SYNGR3: variants seen among roughly 807,000 people sequenced by gnomAD.
SYNGR3 encodes synaptogyrin-3.
Under a neutral mutation model 18.5 loss-of-function variants are expected in SYNGR3, and 10 were observed. That is an observed-to-expected ratio of 0.54 (90% CI 0.33 to 0.92). The LOEUF is 0.92. Among genes scored for constraint, SYNGR3 ranks in the 40% least tolerant of loss-of-function variants. SYNGR3 has a pLI of 0.02. For missense variants in SYNGR3, 335 were observed against 332.8 expected (o/e 1.01, Z -0.05); for synonymous variants, 188 against 157.2 (o/e 1.20, Z -1.47).
At chr16:1,992,808 A>G in intron 3 of SYNGR3, 30 bp downstream of exon 3, 1 of 1,508,462 alleles carries the variant, frequency 6.6e-7, no homozygotes, top group South Asian at 1.3e-5. Context: ...GGGCGGGGCG[A>G]AGGGGCGGGC....
Position 1,993,734 on chromosome 16 carries a change from T to C in SYNGR3, c.*662T>C, listed in dbSNP as rs2083617302. On this transcript the variant is annotated 3_prime_UTR_variant, in exon 4 of 4. Transcript: ENST00000248121. ...TGGTTCTGGCCAGGAAGGCACAAGG[T>C]AGCTGTGGGCCAAGACACCAGCCCT... is the stretch of plus-strand genomic sequence containing the variant. 2.5e-6 allele frequency: 1 copy of C among 394,694 alleles called. No homozygotes were observed. The highest frequency in any genetic ancestry group is 5.1e-6 in the Non-Finnish European group (1 of 194,282). The allele number at this position is 394,694 out of a possible 1,614,324, so 24.4% of individuals were successfully genotyped here.
Position 1,992,141 on chromosome 16 carries a change from T to TGTGC in SYNGR3, c.269_272dup (p.Phe92AlafsTer217). Reference sequence around the variant, plus strand: ...CCTGCGCCGCCTTCCTGCTGCTCGATGTGCGCTTCCAGCAAATCAGCAGCG... The same window carrying TGTGC: ...CCTGCGCCGCCTTCCTGCTGCTCGATGTGCGTGCGCTTCCAGCAAATCAGCAGCG... On this transcript the variant is annotated frameshift_variant, in exon 2 of 4. Coordinates refer to ENST00000248121, the MANE Select transcript of SYNGR3 (RefSeq NM_004209.6). LOFTEE classifies it high-confidence loss of function. 1 of 1,532,240 alleles carries TGTGC rather than the reference T, an allele frequency of 6.5e-7. No homozygotes were observed. The allele number at this position is 1,532,240 out of a possible 1,614,324, so 94.9% of individuals were successfully genotyped here.
rs1391180922 is a variant in SYNGR3, at chr16:1,992,172, G to A, written c.298G>A (p.Asp100Asn). 2.8e-6 allele frequency: 4 copies of A among 1,450,600 alleles called. No homozygotes were observed. Among genetic ancestry groups the A allele is most frequent in the African/African-American group, 3.0e-5 (2 of 67,128 alleles). The allele number at this position is 1,450,600 out of a possible 1,614,324, so 89.9% of individuals were successfully genotyped here. Reference protein sequence around the residue: ...VRFQQISSVRDRRRAVLLDLG... With the variant: ...VRFQQISSVRNRRRAVLLDLG... ...CTTCCAGCAAATCAGCAGCGTCCGCGACCGCCGGCGCGCGGTGTTGCTGGA... is the reference window on the plus strand; with the variant it reads ...CTTCCAGCAAATCAGCAGCGTCCGCAACCGCCGGCGCGCGGTGTTGCTGGA... The change falls in exon 2 of 4, where the codon GAC becomes AAC. Residue 100 changes from aspartate to asparagine, a missense_variant. Asp to Asn is a conservative substitution (Grantham distance 23, BLOSUM62 1). Coordinates refer to ENST00000248121, the MANE Select transcript of SYNGR3 (RefSeq NM_004209.6).
At position 1,992,972 on chromosome 16, in the gene SYNGR3, C is replaced by T. The variant is rs1211102637; in HGVS notation, c.590C>T (p.Pro197Leu). 6.2e-7 allele frequency: 1 copy of T among 1,611,908 alleles called. No homozygotes were observed. ...TGASQAYPGY[P>L]VGSGVEGTET... Reference sequence around the variant, plus strand: ...GCGAGCCAGGCCTACCCCGGCTATCCGGTGGGCAGCGGCGTGGAGGGCACC... The same window carrying T: ...GCGAGCCAGGCCTACCCCGGCTATCTGGTGGGCAGCGGCGTGGAGGGCACC... Residue 197 changes from proline to leucine, a missense_variant, in exon 4 of 4, where the codon CCG (proline) becomes CTG (leucine). By Grantham distance (98) the Pro-to-Leu change is moderately conservative (BLOSUM62 -3). Coordinates refer to ENST00000248121, the MANE Select transcript of SYNGR3 (RefSeq NM_004209.6).
intron 2 of SYNGR3, 49 bp from the exon 3 acceptor site, chr16:1,992,587 C>T (rs1439541336): frequency 1.3e-6 from 2 of 1,567,964 alleles, no homozygotes; most frequent in Non-Finnish European, 1.7e-6. Context: ...GCGAGGCCGC[C>T]GTGGGCCACC....
chr16:1,990,190 G>C lies in SYNGR3; in HGVS notation c.88G>C (p.Val30Leu). 1.6e-6 allele frequency: 2 copies of C among 1,279,518 alleles called. No homozygotes were observed. Among genetic ancestry groups the C allele is most frequent in the Non-Finnish European group, 2.0e-6 (2 of 1,011,850 alleles). The allele number at this position is 1,279,518 out of a possible 1,614,324, so 79.3% of individuals were successfully genotyped here. Reference sequence around the variant, plus strand: ...GCGGCGGCCCCAGACCCTGCTCCGGGTCGCGTCCTGGGTGAGTGGTCCCTG... The same window carrying C: ...GCGGCGGCCCCAGACCCTGCTCCGGCTCGCGTCCTGGGTGAGTGGTCCCTG... ...FARRPQTLLRVASWVFSIAVF... is the reference protein window; with the variant it reads ...FARRPQTLLRLASWVFSIAVF... Residue 30 changes from valine to leucine, a missense_variant, in exon 1 of 4, where the codon GTC becomes CTC. Physicochemically the swap from Val to Leu is conservative, Grantham distance 32. Coordinates refer to ENST00000248121, the MANE Select transcript of SYNGR3 (RefSeq NM_004209.6).
In SYNGR3 at chr16:1,992,649, C is replaced by A. The variant is rs140958780; in HGVS notation, c.351C>A (p.Phe117Leu). 4.1e-3 allele frequency: 6,518 copies of A among 1,606,296 alleles called. 23 individuals carry two copies. The highest frequency in any genetic ancestry group is 4.9e-3 in the Non-Finnish European group (5,786 of 1,177,734). Reference sequence around the variant, plus strand: ...CACTGTTCGCAGGACTCTGGTCCTTCCTGTGGTTCGTGGGCTTCTGCTTCC... The same window carrying A: ...CACTGTTCGCAGGACTCTGGTCCTTACTGTGGTTCGTGGGCTTCTGCTTCC... ...LDLGFSGLWS[F>L]LWFVGFCFLT... The change falls in exon 3 of 4, where the codon TTC becomes TTA. Residue 117 changes from phenylalanine to leucine, a missense_variant. Phe to Leu is a conservative substitution (Grantham distance 22). Transcript: ENST00000248121.
intron 1 of SYNGR3, 116 bp from the exon 2 acceptor site, chr16:1,991,858 C>T (rs2083605566): frequency 5.9e-6 from 5 of 849,296 alleles, no homozygotes; most frequent in Non-Finnish European, 6.9e-6. Context: ...GGTGACACCG[C>T]CCCCCACCCA....
In SYNGR3 at chr16:1,992,989, G is replaced by A. The variant is rs1157949946; in HGVS notation, c.607G>A (p.Glu203Lys). ...YPGYPVGSGV[E>K]GTETYQSPPF... is the part of the protein sequence containing the mutation. The stretch of plus-strand genomic sequence containing the variant: ...CGGCTATCCGGTGGGCAGCGGCGTG[G>A]AGGGCACCGAGACCTACCAGAGCCC... The change falls in exon 4 of 4, where the codon GAG becomes AAG. Residue 203 changes from glutamate (E) to lysine (K), a missense_variant. Glu to Lys is a moderately conservative substitution (Grantham distance 56). Transcript: ENST00000248121. The A allele has an allele frequency of 3.7e-5, 59 of 1,611,970 alleles. No homozygotes were observed. The highest frequency in any genetic ancestry group is 4.6e-5 in the Non-Finnish European group (54 of 1,179,784).
rs552493150 is a variant in SYNGR3, at chr16:1,992,229, G to T, written c.337+18G>T. ...CTTCTCAGGTGGGCGGGGCCGGGGC[G>T]GTGAGCGCGGAGAGCCTTCCGGGTG... On this transcript the variant is annotated intron_variant, in intron 2 of 3. Transcript: ENST00000248121. The T allele has an allele frequency of 3.7e-5, 49 of 1,330,622 alleles. 1 individual carries two copies. In the East Asian group the frequency reaches 1.4e-3, roughly 37 times the overall value. 82.4% of individuals were successfully genotyped at this position (1,330,622 alleles called of 1,614,324 possible). A position where few individuals can be genotyped will look rare whatever the true frequency, so the allele number is the denominator to read the frequency against.
Position 1,993,234 on chromosome 16 carries a change from C to T in SYNGR3, c.*162C>T. The T allele has an allele frequency of 1.1e-6, 1 of 882,872 alleles. No individual in the cohort carries two copies. The highest frequency in any genetic ancestry group is 2.7e-5 in the East Asian group (1 of 37,728). The allele number at this position is 882,872 out of a possible 1,614,324, so 54.7% of individuals were successfully genotyped here. On this transcript the variant is annotated 3_prime_UTR_variant, in exon 4 of 4. Coordinates refer to ENST00000248121, the MANE Select transcript of SYNGR3 (RefSeq NM_004209.6). ...GAGGGGGTGGACCCGCGTGTCTGGG[C>T]TGCCCCTGCCAAGTTCCCCCAGTCC... is the stretch of plus-strand genomic sequence containing the variant.
At position 1,993,774 on chromosome 16, in the gene SYNGR3, G is replaced by A. The variant is rs1327173848; in HGVS notation, c.*702G>A. 2.8e-6 allele frequency: 1 copy of A among 356,304 alleles called. No individual in the cohort carries two copies. The highest frequency in any genetic ancestry group is 5.6e-6 in the Non-Finnish European group (1 of 178,830). The allele number at this position is 356,304 out of a possible 1,614,324, so 22.1% of individuals were successfully genotyped here. A position where few individuals can be genotyped will look rare whatever the true frequency, so the allele number is the denominator to read the frequency against. ...ACACCAGCCCTGTCCTAGCCCTTCA[G>A]TAAGACCTTGCCAGGAGAGGAGAAG... On this transcript the variant is annotated 3_prime_UTR_variant, in exon 4 of 4. Transcript: ENST00000248121.
rs993219447 is a variant in SYNGR3 at position 1,993,716 on chromosome 16, G to A, written c.*644G>A. The A allele has an allele frequency of 7.4e-6, 3 of 405,128 alleles. No individual in the cohort carries two copies. The highest frequency in any genetic ancestry group is 2.0e-5 in the African/African-American group (1 of 49,220). The allele number at this position is 405,128 out of a possible 1,614,324, so 25.1% of individuals were successfully genotyped here. A position where few individuals can be genotyped will look rare whatever the true frequency, so the allele number is the denominator to read the frequency against. Reference sequence around the variant, plus strand: ...CCCCTGCCCAGGTGTGGGTGGTTCTGGCCAGGAAGGCACAAGGTAGCTGTG... The same window carrying A: ...CCCCTGCCCAGGTGTGGGTGGTTCTAGCCAGGAAGGCACAAGGTAGCTGTG... On this transcript the variant is annotated 3_prime_UTR_variant, in exon 4 of 4. Transcript: ENST00000248121.
chr16:1,992,848 C>T lies in SYNGR3; in HGVS notation c.481-15C>T. ...GGCTGATCCCGGCTGACCCCGCTGA[C>T]CCCGCCCCGCGCAGGTGGCGCTCAC... is the stretch of plus-strand genomic sequence containing the variant. On this transcript the variant is annotated splice_polypyrimidine_tract_variant and intron_variant, in intron 3 of 3. Coordinates refer to ENST00000248121, the MANE Select transcript of SYNGR3 (RefSeq NM_004209.6). The T allele has an allele frequency of 6.5e-7, 1 of 1,537,468 alleles. No homozygotes were observed. Among genetic ancestry groups the T allele is most frequent in the Non-Finnish European group, 8.7e-7 (1 of 1,143,188 alleles).
In SYNGR3 at chr16:1,990,080, C is replaced by A. The variant is rs2150898156; in HGVS notation, c.-23C>A. On this transcript the variant is annotated 5_prime_UTR_variant, in exon 1 of 4. Transcript: ENST00000248121. ...ACAGGCGGACAGAAGGCGCCAGGGG[C>A]GCGCGTCCCGCCCGGGCCGGCCATG... The A allele has an allele frequency of 2.6e-6, 3 of 1,143,694 alleles. No homozygotes were observed. The highest frequency in any genetic ancestry group is 3.3e-6 in the Non-Finnish European group (3 of 918,194). The allele number at this position is 1,143,694 out of a possible 1,614,324, so 70.8% of individuals were successfully genotyped here.
intron 1 of SYNGR3, 62 bp downstream of exon 1, chr16:1,990,263 C>CGGGGGGGGGGGGGG: frequency 2.5e-6 from 2 of 814,060 alleles, no homozygotes; most frequent in Admixed American, 4.7e-5. Context: ...AGGCCCCTAC[C>CGGGGGGGGGGGGGG]AGCCCCCTGC....
intron 2 of SYNGR3, 53 bp downstream of exon 2, chr16:1,992,264 GGGGCGGGGCCT>G: frequency 2.4e-6 from 2 of 818,278 alleles, no homozygotes; most frequent in Non-Finnish European, 3.5e-6. Flanking sequence ...GGGCGGGGAG[GGGGCGGGGCCT>G]GGGCGGGGAA....
At chr16:1,991,941 G>T in intron 1 of SYNGR3, 33 bp from the exon 2 acceptor site, 1 of 1,549,250 alleles carries the variant, frequency 6.5e-7, no homozygotes. Context: ...AGGTCGGGTC[G>T]CCGCAGGGCC....
At chr16:1,992,539 G>C (rs1026570431) in intron 2 of SYNGR3, 97 bp from the exon 3 acceptor site, 1 of 1,422,164 alleles carries the variant, frequency 7.0e-7, no homozygotes, top group African/African-American at 1.5e-5. Context: ...CAGGCGAGGC[G>C]CCCCAAGCCT....
Sources: allele counts gnomAD v4.1 joint callset, GRCh38; gene constraint gnomAD v4.1.1; transcripts MANE v1.5; gene names NCBI Gene and HGNC (gene_info 2026-07-23, HGNC 2026-07-21).